LYRM4: variants seen among roughly 807,000 people sequenced by gnomAD.
The protein encoded by LYRM4 is LYR motif containing 4.
LYRM4 carries 9 observed loss-of-function variants against 11.7 expected under a neutral mutation model. The observed-to-expected ratio is 0.77, with a 90% CI of 0.46 to 1.34. LYRM4 has a LOEUF of 1.34. Among genes scored for constraint, LYRM4 ranks in the 40% most tolerant of loss-of-function variants. The probability of loss-of-function intolerance (pLI) is 0.00; values close to 1 mark genes in which losing one functional copy is unlikely to be tolerated. For synonymous variants in LYRM4, 42 were observed against 40.4 expected, an observed-to-expected ratio of 1.04 and a Z score of -0.15; for missense variants, 133 against 112.5, an observed-to-expected ratio of 1.18 and a Z score of -0.82.
chr6:5,077,756 A>C, the LYRM4 span, among the ~76,000 whole-genome samples: 1 of 152,202 alleles, frequency 6.6e-6, no homozygotes, highest in Admixed American at 6.5e-5. Context: ...ATTTGGTGGA[A>C]ATATTCTAAG....
chr6:5,215,944 T>C (rs1185274624), intron 2 of LYRM4, among the ~76,000 whole-genome samples: 1 of 152,190 alleles, frequency 6.6e-6, no homozygotes, highest in Non-Finnish European at 1.5e-5. Flanking sequence ...GACGGTGACT[T>C]TAACCTCTGA....
chr6:5,244,860 G>A (rs898900576), intron 1 of LYRM4, among the ~76,000 whole-genome samples: 6 of 151,566 alleles, frequency 4.0e-5, no homozygotes, highest in Non-Finnish European at 7.4e-5. Context: ...TGGCACTGAC[G>A]GGGGTAGCTG....
At chr6:5,166,464 C>T (rs1759092991) in intron 2 of LYRM4, among the ~76,000 whole-genome samples, 1 of 152,226 alleles carries the variant, frequency 6.6e-6, no homozygotes, top group Admixed American at 6.5e-5. Flanking sequence ...ATTCTACTGA[C>T]TGTTGATTTT....
intron 2 of LYRM4, among the ~76,000 whole-genome samples, chr6:5,207,607 G>T (rs1196167679): frequency 1.3e-5 from 2 of 152,198 alleles, no homozygotes; most frequent in Non-Finnish European, 2.9e-5. Flanking sequence ...TTCCACTTAA[G>T]GGTACTTCAG....
At chr6:5,154,699 G>A (rs1337161965) in intron 2 of LYRM4, among the ~76,000 whole-genome samples, 3 of 152,248 alleles carry the variant, frequency 2.0e-5, no homozygotes, top group East Asian at 1.9e-4. Flanking sequence ...CGCGCCTGTA[G>A]TCCCAGCTAC....
intron 1 of LYRM4, among the ~76,000 whole-genome samples, chr6:5,251,976 AAC>A (rs1764450813): frequency 6.6e-6 from 1 of 152,196 alleles, no homozygotes; most frequent in Non-Finnish European, 1.5e-5. Flanking sequence ...CAGATTCCTA[AAC>A]ACGAATCATT....
chr6:5,118,094 A>ATATATATATTTTTT lies in LYRM4; in HGVS notation c.208-8604_208-8603insAAAAAATATATATA. The stretch of plus-strand genomic sequence containing the variant: ...TCACCAAAACAATATATATATATAT[A>ATATATATATTTTTT]TTTTTGTTTTGTTTTGTTTTGTTTT... On this transcript the variant is annotated intron_variant, in intron 2 of 2. Coordinates refer to ENST00000330636, the MANE Select transcript of LYRM4 (RefSeq NM_020408.6). Among the ~76,000 whole-genome samples the ATATATATATTTTTT allele has an allele frequency of 1.7e-3, 144 of 86,056 alleles. 1 individual carries two copies. The highest frequency in any genetic ancestry group is 8.3e-3 in the South Asian group (19 of 2,300). 56.5% of individuals were successfully genotyped at this position (86,056 alleles called of 152,430 possible).
chr6:5,137,148 G>A (rs455303), intron 2 of LYRM4, among the ~76,000 whole-genome samples: 3,233 of 152,208 alleles, frequency 0.021, 64 homozygotes, highest in South Asian at 0.088. Context: ...AGGGCCATCC[G>A]TGTTCTAGCA....
chr6:5,055,294 C>T, the LYRM4 span, among the ~76,000 whole-genome samples: 2 of 152,194 alleles, frequency 1.3e-5, no homozygotes, highest in African/African-American at 4.8e-5. The surrounding 1 kb of genome is among the most constrained non-coding windows in gnomAD (Gnocchi z 4.5). Context: ...ACCTTGGGCA[C>T]ATGTTCTCAG....
intron 2 of LYRM4, among the ~76,000 whole-genome samples, chr6:5,185,625 G>GC (rs111431352): frequency 2.0e-5 from 3 of 152,266 alleles, no homozygotes; most frequent in African/African-American, 7.2e-5. Context: ...GGAGAGACAA[G>GC]CCCATAAGGA....
chr6:5,151,603 C>T (rs757511139), intron 2 of LYRM4, among the ~76,000 whole-genome samples: 8 of 152,160 alleles, frequency 5.3e-5, no homozygotes, highest in African/African-American at 9.7e-5. Flanking sequence ...ATCAATTCGC[C>T]AAGCATTTTA....
intron 2 of LYRM4, among the ~76,000 whole-genome samples, chr6:5,188,767 G>T (rs1422766505): frequency 6.6e-6 from 1 of 152,086 alleles, no homozygotes; most frequent in East Asian, 1.9e-4. Context: ...CTACTATTAT[G>T]ATGATATATT....
Position 5,189,810 on chromosome 6 carries a change from C to G in LYRM4, c.207+26808G>C, listed in dbSNP as rs556517358. On this transcript the variant is annotated intron_variant, in intron 2 of 2. Coordinates refer to ENST00000330636, the MANE Select transcript of LYRM4 (RefSeq NM_020408.6). The stretch of plus-strand genomic sequence containing the variant: ...TACATGCTTCACCTAATCTATGAAT[C>G]GAATCACTGTTCTCCCCAATCCAGG... Among the ~76,000 whole-genome samples, 8 of 152,318 alleles carry G rather than the reference C, an allele frequency of 5.3e-5. 1 individual carries two copies. The South Asian group carries it at 1.7e-3, about 32-fold the overall frequency.
At chr6:5,191,550 A>C (rs1760756603) in intron 2 of LYRM4, among the ~76,000 whole-genome samples, 1 of 152,228 alleles carries the variant, frequency 6.6e-6, no homozygotes, top group Non-Finnish European at 1.5e-5. Flanking sequence ...GATTAGTGAC[A>C]AATTTACCTG....
chr6:5,258,769 G>A (rs796128295), intron 1 of LYRM4, among the ~76,000 whole-genome samples: 12 of 152,276 alleles, frequency 7.9e-5, no homozygotes, highest in African/African-American at 2.9e-4. Flanking sequence ...TATGCTTAAG[G>A]TATAATTTGA....
chr6:5,237,075 A>G (rs1561892493), intron 1 of LYRM4, among the ~76,000 whole-genome samples: 1 of 152,152 alleles, frequency 6.6e-6, no homozygotes, highest in Non-Finnish European at 1.5e-5. Flanking sequence ...TTGGCTTTCT[A>G]CTCAGTCTAG....
chr6:5,051,057 C>T, the LYRM4 span, among the ~76,000 whole-genome samples: 1 of 152,038 alleles, frequency 6.6e-6, no homozygotes, highest in Non-Finnish European at 1.5e-5. Context: ...GACTCAAAAA[C>T]AGATTTGAAC....
chr6:5,236,887 G>A lies in LYRM4; in HGVS notation c.87-20149C>T, dbSNP rs141760827. On this transcript the variant is annotated intron_variant, in intron 1 of 2. Transcript: ENST00000330636. ...TGGGTGGATCACTTGAGCCCAGGAG[G>A]TCGAGGTTGCAGTGGGCTGTGATTA... is the stretch of plus-strand genomic sequence containing the variant. Among the ~76,000 whole-genome samples the A allele has an allele frequency of 1.9e-3, 284 of 152,186 alleles. 2 individuals are homozygous for A. Among genetic ancestry groups the A allele is most frequent in the African/African-American group, 6.6e-3 (274 of 41,514 alleles).
chr6:5,219,713 TTTTTC>T (rs1274228453), intron 1 of LYRM4, among the ~76,000 whole-genome samples: 3 of 152,060 alleles, frequency 2.0e-5, no homozygotes, highest in Admixed American at 6.5e-5. Flanking sequence ...TGCTTTTTTT[TTTTTC>T]TTTTTTCTTT....
Sources: gnomAD v4.1 joint callset for allele counts (sites outside exome capture counted in the v4.1 genomes callset) on GRCh38, gnomAD v4.1.1 for gene constraint, Gnocchi (gnomAD v3.1) non-coding constraint, MANE v1.5 for transcripts, NCBI Gene and HGNC (gene_info 2026-07-23, HGNC 2026-07-21) for gene names.